PPIL6: variants seen among roughly 807,000 people sequenced by gnomAD.
The protein encoded by PPIL6 is probable inactive peptidyl-prolyl cis-trans isomerase-like 6.
A neutral mutation model predicts 36.8 loss-of-function variants in PPIL6; 39 were observed. The ratio of observed to expected loss-of-function variants is 1.06; its 90% CI spans 0.82 to 1.38. The LOEUF is 1.38. PPIL6 is among the 40% of genes most tolerant of loss of function. PPIL6 has a pLI of 0.00. For synonymous variants in PPIL6, 123 were observed against 134.1 expected, an observed-to-expected ratio of 0.92 and a Z score of 0.57; for missense variants, 368 against 379.1, an observed-to-expected ratio of 0.97 and a Z score of 0.24.
chr6:109,396,327 T>C (rs1456129978), intron 7 of PPIL6, among the ~76,000 whole-genome samples: 1 of 152,146 alleles, frequency 6.6e-6, no homozygotes, highest in Non-Finnish European at 1.5e-5. Flanking sequence ...AATGTAAAAT[T>C]CTCCCATGGC....
upstream of PPIL6, chr6:109,440,914 G>A (rs1353418255): frequency 4.0e-5 from 23 of 574,426 alleles, no homozygotes; most frequent in East Asian, 6.4e-4. Flanking sequence ...CCGGGTTGGC[G>A]GCCCGCCTGA....
chr6:109,392,725 GGCT>G lies in PPIL6; in HGVS notation c.*98_*100del. On this transcript the variant is annotated 3_prime_UTR_variant, in exon 8 of 8. Transcript: ENST00000521072. ...TGAGGCAACCTACAGTGTCTGCCACGGCTTTCAAATTACAATTTATCAAGTACT... is the reference window on the plus strand; with the variant it reads ...TGAGGCAACCTACAGTGTCTGCCACGTTCAAATTACAATTTATCAAGTACT... 1.4e-6 allele frequency: 1 copy of G among 714,898 alleles called. No individual in the cohort carries two copies. The highest frequency in any genetic ancestry group is 2.7e-5 in the Admixed American group (1 of 37,706). 44.3% of individuals were successfully genotyped at this position (714,898 alleles called of 1,614,324 possible). A position where few individuals can be genotyped will look rare whatever the true frequency, so the allele number is the denominator to read the frequency against.
rs184316645 is a variant in PPIL6, at chr6:109,395,665, C to T, written c.825-2728G>A. Among the ~76,000 whole-genome samples the T allele has an allele frequency of 3.4e-3, 496 of 146,134 alleles. 3 individuals are homozygous for T. Among genetic ancestry groups the T allele is most frequent in the African/African-American group, 0.012 (478 of 39,408 alleles). On this transcript the variant is annotated intron_variant, in intron 7 of 7. Coordinates refer to ENST00000521072, the MANE Select transcript of PPIL6 (RefSeq NM_173672.5). ...CTGTCGCCAGGCTGGAGTACAGTGG[C>T]GCAATCTCGGCTCACTGCAACCTCT...
At chr6:109,438,992 T>C (rs906786960) in intron 1 of PPIL6, among the ~76,000 whole-genome samples, 2 of 152,252 alleles carry the variant, frequency 1.3e-5, no homozygotes, top group Non-Finnish European at 2.9e-5. Context: ...AATACTGTCA[T>C]TCATTTCCAT....
At chr6:109,393,296 C>T (rs1052025478) in intron 7 of PPIL6, among the ~76,000 whole-genome samples, 13 of 151,840 alleles carry the variant, frequency 8.6e-5, no homozygotes, top group Admixed American at 8.5e-4. Context: ...TAGCTCACTA[C>T]AGCCTTGACC....
intron 1 of PPIL6, chr6:109,440,137 A>G: frequency 2.5e-6 from 1 of 401,760 alleles, no homozygotes; most frequent in Non-Finnish European, 4.7e-6. Context: ...TTGACGTAGA[A>G]CAAAATCTGC....
rs1303804634 is a variant in PPIL6 at position 109,403,046 on chromosome 6, T to A, written c.689-2876A>T. 14 of 1,531,820 alleles carry A rather than the reference T, an allele frequency of 9.1e-6. No homozygotes were observed. The highest frequency in any genetic ancestry group is 1.4e-5 in the African/African-American group (1 of 72,970). The allele number at this position is 1,531,820 out of a possible 1,614,324, so 94.9% of individuals were successfully genotyped here. Reference sequence around the variant, plus strand: ...GTCTGCTCACCTCGGTATTTCTCGATCTTTCCAACCCCTCTGCTTTCCTTC... The same window carrying A: ...GTCTGCTCACCTCGGTATTTCTCGAACTTTCCAACCCCTCTGCTTTCCTTC... On this transcript the variant is annotated intron_variant, in intron 6 of 7. Coordinates refer to ENST00000521072, the MANE Select transcript of PPIL6 (RefSeq NM_173672.5).
intron 7 of PPIL6, among the ~76,000 whole-genome samples, chr6:109,398,911 G>A (rs986403583): frequency 6.6e-6 from 1 of 152,046 alleles, no homozygotes; most frequent in Non-Finnish European, 1.5e-5. Context: ...TTGTGACTAT[G>A]CCTAAATGGT....
At chr6:109,436,030 C>T in intron 2 of PPIL6, 74 bp downstream of exon 2, 4 of 818,516 alleles carry the variant, frequency 4.9e-6, no homozygotes, top group Non-Finnish European at 8.5e-6. Context: ...TCAGTTTTTC[C>T]AAAACAATGC....
intron 7 of PPIL6, among the ~76,000 whole-genome samples, chr6:109,394,370 CAA>C (rs560635029): frequency 2.8e-4 from 14 of 50,294 alleles, no homozygotes; most frequent in Middle Eastern, 0.01. Context: ...AGACTTATCT[CAA>C]AAAAAAAAAA....
At chr6:109,395,307 G>A (rs367985334) in intron 7 of PPIL6, among the ~76,000 whole-genome samples, 20 of 151,824 alleles carry the variant, frequency 1.3e-4, no homozygotes, top group Admixed American at 6.6e-4. Context: ...CTTGGGTGGC[G>A]GAGGCATGAG....
chr6:109,408,813 A>G (rs1049848116), intron 6 of PPIL6, among the ~76,000 whole-genome samples: 1 of 152,054 alleles, frequency 6.6e-6, no homozygotes, highest in East Asian at 1.9e-4. Context: ...TTCTTCATTT[A>G]CTTTTGGTTT....
intron 1 of PPIL6, chr6:109,440,146 G>T: frequency 2.4e-6 from 1 of 425,492 alleles, no homozygotes; most frequent in Non-Finnish European, 4.4e-6. Context: ...AACAAAATCT[G>T]CGGGTGTGTG....
chr6:109,433,650 G>C (rs1402552639), intron 2 of PPIL6, among the ~76,000 whole-genome samples: 2 of 152,160 alleles, frequency 1.3e-5, no homozygotes, highest in East Asian at 3.9e-4. Flanking sequence ...ACTTCATTCT[G>C]CTGAAGCCTA....
intron 6 of PPIL6, among the ~76,000 whole-genome samples, chr6:109,406,722 T>G (rs912771002): frequency 2.0e-5 from 3 of 152,240 alleles, no homozygotes; most frequent in Admixed American, 6.5e-5. Context: ...CCACTTTTCA[T>G]GATAAATTCA....
chr6:109,398,382 A>G (rs1478035343), intron 7 of PPIL6, among the ~76,000 whole-genome samples: 1 of 152,246 alleles, frequency 6.6e-6, no homozygotes, highest in Non-Finnish European at 1.5e-5. Flanking sequence ...ATTACACTAA[A>G]GGAATTACTG....
intron 1 of PPIL6, 80 bp from the exon 2 acceptor site, chr6:109,436,279 T>C (rs1371924363): frequency 5.3e-5 from 44 of 830,290 alleles, no homozygotes; most frequent in South Asian, 4.7e-4. Flanking sequence ...TTTTACGGGG[T>C]TTCCAGAAGT....
intron 6 of PPIL6, among the ~76,000 whole-genome samples, chr6:109,416,526 T>TTC (rs1773264414): frequency 6.6e-6 from 1 of 151,578 alleles, no homozygotes; most frequent in African/African-American, 2.4e-5. Context: ...TTTTTTTTTT[T>TTC]TTCCAGAATA....
At chr6:109,404,549 A>G (rs1365134788) in intron 6 of PPIL6, among the ~76,000 whole-genome samples, 1 of 152,236 alleles carries the variant, frequency 6.6e-6, no homozygotes, top group East Asian at 1.9e-4. Flanking sequence ...CTGTCTGCAC[A>G]AAACTACTAC....
Sources: gnomAD v4.1 joint callset for allele counts (sites outside exome capture counted in the v4.1 genomes callset) on GRCh38, gnomAD v4.1.1 for gene constraint, MANE v1.5 for transcripts, NCBI Gene and HGNC (gene_info 2026-07-23, HGNC 2026-07-21) for gene names.